Variants in C12orf42 observed in about 807,000 individuals in gnomAD.
The protein encoded by C12orf42 is chromosome 12 open reading frame 42, also known as uncharacterized protein C12orf42.
In C12orf42, 25 loss-of-function variants were observed where a neutral mutation model predicts 21.6. The ratio of observed to expected loss-of-function variants is 1.16; its 90% CI spans 0.84 to 1.62. The LOEUF is 1.62. C12orf42 is among the 40% of genes most tolerant of loss of function. The pLI, the probability that C12orf42 is intolerant of heterozygous loss-of-function variation, is 0.00. For synonymous variants in C12orf42, 174 were observed against 175.0 expected (o/e 0.99, Z 0.05); for missense variants, 483 against 459.3 (o/e 1.05, Z -0.47).
chr12:103,275,140 T>C (rs1198327266), intron 5 of C12orf42, among the ~76,000 whole-genome samples: 1 of 152,170 alleles, frequency 6.6e-6, no homozygotes, highest in Admixed American at 6.5e-5. Context: ...TACAACAACC[T>C]GAGGTTGATA....
chr12:103,104,999 G>T, the C12orf42 span, among the ~76,000 whole-genome samples: 1 of 152,168 alleles, frequency 6.6e-6, no homozygotes, highest in Non-Finnish European at 1.5e-5. Context: ...TTGCCTGCAG[G>T]TGTGGCGTGT....
intron 4 of C12orf42, among the ~76,000 whole-genome samples, chr12:103,310,151 A>G (rs146410646): frequency 2.0e-4 from 30 of 152,226 alleles, no homozygotes; most frequent in African/African-American, 7.0e-4. Flanking sequence ...TTTCTTACGA[A>G]TGGTTTAGCA....
At chr12:103,328,499 T>A (rs903153404) in intron 4 of C12orf42, among the ~76,000 whole-genome samples, 6 of 152,226 alleles carry the variant, frequency 3.9e-5, no homozygotes, top group African/African-American at 1.4e-4. Context: ...AACAAGATTT[T>A]ATTAAAGTCA....
chr12:103,281,915 A>AGAAGAAAG (rs2036147357), intron 4 of C12orf42, among the ~76,000 whole-genome samples: 1 of 141,828 alleles, frequency 7.1e-6, no homozygotes, highest in African/African-American at 2.7e-5. Context: ...AGAAGAAAGA[A>AGAAGAAAG]AAAGAAAGAA....
chr12:103,385,152 C>T (rs985201643), intron 3 of C12orf42, among the ~76,000 whole-genome samples: 3 of 152,178 alleles, frequency 2.0e-5, no homozygotes, highest in Admixed American at 1.3e-4. Flanking sequence ...AATACATCCA[C>T]GTTTCATTTT....
chr12:103,423,807 A>G (rs1949569556), intron 2 of C12orf42, among the ~76,000 whole-genome samples: 1 of 152,206 alleles, frequency 6.6e-6, no homozygotes, highest in African/African-American at 2.4e-5. Context: ...AATTATGGCA[A>G]TTTAACATTC....
the C12orf42 span, among the ~76,000 whole-genome samples, chr12:103,133,601 T>C: frequency 1.3e-5 from 2 of 152,084 alleles, no homozygotes; most frequent in African/African-American, 4.8e-5. Flanking sequence ...AAACCACAGA[T>C]ACCACTGACA....
chr12:103,074,419 G>A, the C12orf42 span, among the ~76,000 whole-genome samples: 2 of 152,100 alleles, frequency 1.3e-5, no homozygotes, highest in Non-Finnish European at 2.9e-5. Context: ...CAAATGAAGT[G>A]GAGCCTGGGG....
the C12orf42 span, among the ~76,000 whole-genome samples, chr12:103,122,201 C>G: frequency 6.6e-6 from 1 of 152,192 alleles, no homozygotes. Context: ...TTCCCCAACT[C>G]TTCTCTCTGC....
the C12orf42 span, among the ~76,000 whole-genome samples, chr12:103,534,668 G>A: frequency 1.3e-5 from 2 of 152,140 alleles, no homozygotes; most frequent in African/African-American, 2.4e-5. Context: ...AAGCAATTAT[G>A]GTAACCGGTA....
intron 10 of C12orf42, among the ~76,000 whole-genome samples, chr12:103,251,197 A>G (rs1361023791): frequency 6.6e-6 from 1 of 152,108 alleles, no homozygotes; most frequent in Non-Finnish European, 1.5e-5. Flanking sequence ...TTGCAAATTT[A>G]CAGTCAATGA....
upstream of C12orf42, among the ~76,000 whole-genome samples, chr12:103,500,803 T>G (rs1445870723): frequency 6.6e-6 from 1 of 152,196 alleles, no homozygotes; most frequent in Non-Finnish European, 1.5e-5. Flanking sequence ...AAATATCAAC[T>G]GTTTATGTCA....
At chr12:103,061,864 T>TTA in the C12orf42 span, among the ~76,000 whole-genome samples, 3 of 151,958 alleles carry the variant, frequency 2.0e-5, no homozygotes, top group Admixed American at 1.3e-4. Flanking sequence ...ATTGTTGATT[T>TTA]TATATATATC....
At chr12:103,072,152 C>T in the C12orf42 span, among the ~76,000 whole-genome samples, 1 of 152,184 alleles carries the variant, frequency 6.6e-6, no homozygotes, top group Non-Finnish European at 1.5e-5. Flanking sequence ...TAAGCATCAG[C>T]TGACCTGGCA....
chr12:103,542,348 G>A, the C12orf42 span, among the ~76,000 whole-genome samples: 1 of 152,236 alleles, frequency 6.6e-6, no homozygotes, highest in Non-Finnish European at 1.5e-5. Context: ...TAAGCTGAAT[G>A]TGGAGCAAAA....
chr12:103,180,349 C>A, the C12orf42 span, among the ~76,000 whole-genome samples: 2 of 152,146 alleles, frequency 1.3e-5, no homozygotes, highest in East Asian at 3.9e-4. Flanking sequence ...CAATAACGAA[C>A]TAAAGATTGA....
chr12:103,119,240 T>A, the C12orf42 span, among the ~76,000 whole-genome samples: 1 of 152,246 alleles, frequency 6.6e-6, no homozygotes, highest in South Asian at 2.1e-4. Context: ...ATGTTATTAA[T>A]AATTACTGTT....
At chr12:103,158,888 A>C in the C12orf42 span, among the ~76,000 whole-genome samples, 1 of 151,940 alleles carries the variant, frequency 6.6e-6, no homozygotes, top group Non-Finnish European at 1.5e-5. Flanking sequence ...AAAAAAAAAA[A>C]AATGGATTGA....
intron 2 of C12orf42, among the ~76,000 whole-genome samples, chr12:103,431,848 C>T (rs189015325): frequency 8.5e-5 from 13 of 152,282 alleles, no homozygotes; most frequent in Non-Finnish European, 1.5e-4. Flanking sequence ...CAATTCTTGC[C>T]TCCTCAGGAG....
Sources: gnomAD v4.1 joint callset for allele counts (sites outside exome capture counted in the v4.1 genomes callset) on GRCh38, gnomAD v4.1.1 for gene constraint, MANE v1.5 for transcripts, NCBI Gene and HGNC (gene_info 2026-07-23, HGNC 2026-07-21) for gene names.